ADGRB3: variants seen among roughly 807,000 people sequenced by gnomAD.
ADGRB3 encodes the protein brain-specific angiogenesis inhibitor 3.
A neutral mutation model predicts 193.4 loss-of-function variants in ADGRB3; 37 were observed. That is an observed-to-expected ratio of 0.19 (90% confidence interval 0.15 to 0.25). The LOEUF (loss-of-function observed/expected upper bound fraction) is 0.25, where lower values mean the gene tolerates loss of function less well. ADGRB3 is among the 10% of genes least tolerant of loss of function. The pLI is 1.00. For missense variants in ADGRB3, 1,637 were observed against 1,852.9 expected, an observed-to-expected ratio of 0.88 and a Z score of 2.14; for synonymous variants, 690 against 644.2, an observed-to-expected ratio of 1.07 and a Z score of -1.08.
intron 17 of ADGRB3, among the ~76,000 whole-genome samples, chr6:69,128,762 G>A (rs9294822): frequency 0.64 from 97,203 of 152,056 alleles, 32,294 homozygotes; most frequent in East Asian, 0.95. Context: ...AAGGAACTTG[G>A]TTATTCCAGT....
chr6:69,148,876 A>T (rs1009573562), intron 17 of ADGRB3, among the ~76,000 whole-genome samples: 1 of 152,124 alleles, frequency 6.6e-6, no homozygotes, highest in African/African-American at 2.4e-5. Flanking sequence ...CTTGGAATGT[A>T]AGGTTTCATT....
chr6:69,237,754 AG>A (rs1256008961), intron 19 of ADGRB3, among the ~76,000 whole-genome samples: 1 of 152,050 alleles, frequency 6.6e-6, no homozygotes, highest in Non-Finnish European at 1.5e-5. Context: ...CATCAAACAA[AG>A]GGTTAATTTT....
intron 3 of ADGRB3, among the ~76,000 whole-genome samples, chr6:68,767,171 A>T (rs1376973920): frequency 6.6e-6 from 1 of 152,188 alleles, no homozygotes; most frequent in Non-Finnish European, 1.5e-5. Flanking sequence ...TATTATTGAT[A>T]TAGAAATAGA....
intron 30 of ADGRB3, among the ~76,000 whole-genome samples, chr6:69,379,374 TA>T (rs951242427): frequency 6.6e-6 from 1 of 151,782 alleles, no homozygotes; most frequent in African/African-American, 2.4e-5. Context: ...TCACTAAACA[TA>T]AAAAACAGCT....
intron 20 of ADGRB3, 75 bp downstream of exon 20, chr6:69,239,301 C>A: frequency 9.8e-7 from 1 of 1,018,626 alleles, no homozygotes; most frequent in Non-Finnish European, 1.4e-6. Context: ...ATAATCTAAA[C>A]ATTCATTCTA....
At chr6:68,867,269 G>A (rs1436593287) in intron 3 of ADGRB3, among the ~76,000 whole-genome samples, 1 of 152,206 alleles carries the variant, frequency 6.6e-6, no homozygotes, top group Non-Finnish European at 1.5e-5. Flanking sequence ...CTTCAGCCAT[G>A]GCTAAAAGGG....
At chr6:69,027,437 A>C (rs2150291273) in intron 13 of ADGRB3, among the ~76,000 whole-genome samples, 1 of 152,226 alleles carries the variant, frequency 6.6e-6, no homozygotes, top group Non-Finnish European at 1.5e-5. Flanking sequence ...TTTACAGTTA[A>C]CTTTTTTCTT....
At chr6:69,373,846 A>T (rs561382759) in intron 30 of ADGRB3, among the ~76,000 whole-genome samples, 33 of 152,228 alleles carry the variant, frequency 2.2e-4, no homozygotes, top group African/African-American at 7.9e-4. Context: ...TAGAACTAAA[A>T]TTAAGCCTCA....
intron 20 of ADGRB3, among the ~76,000 whole-genome samples, chr6:69,286,765 G>C (rs1365900323): frequency 6.6e-6 from 1 of 152,218 alleles, no homozygotes; most frequent in Non-Finnish European, 1.5e-5. Flanking sequence ...TAGGAAACAG[G>C]CTATTGTAAG....
At chr6:68,655,088 G>T (rs1020085767) in intron 3 of ADGRB3, among the ~76,000 whole-genome samples, 2 of 150,048 alleles carry the variant, frequency 1.3e-5, no homozygotes, top group African/African-American at 4.9e-5. Flanking sequence ...TTGTTTCTTG[G>T]CAGTTTGTTA....
At chr6:69,090,867 C>A (rs1253149000) in intron 17 of ADGRB3, among the ~76,000 whole-genome samples, 3 of 152,176 alleles carry the variant, frequency 2.0e-5, no homozygotes, top group African/African-American at 7.2e-5. Flanking sequence ...ATAAGCTTTA[C>A]AGTGCTATAA....
At chr6:68,755,488 G>T (rs1284726181) in intron 3 of ADGRB3, among the ~76,000 whole-genome samples, 1 of 152,122 alleles carries the variant, frequency 6.6e-6, no homozygotes, top group Non-Finnish European at 1.5e-5. Flanking sequence ...GGTTCTTCTG[G>T]ATTTGTCTTG....
intron 17 of ADGRB3, among the ~76,000 whole-genome samples, chr6:69,156,575 A>G (rs1335251738): frequency 6.6e-6 from 1 of 152,188 alleles, no homozygotes; most frequent in African/African-American, 2.4e-5. Context: ...AGTAAGGAGT[A>G]GGGATATGTT....
intron 24 of ADGRB3, among the ~76,000 whole-genome samples, chr6:69,333,437 T>C (rs1430074690): frequency 6.6e-6 from 1 of 152,120 alleles, no homozygotes; most frequent in African/African-American, 2.4e-5. Context: ...TTTCTTTGAC[T>C]AATTGTATAT....
chr6:69,141,132 G>GA (rs374226168), intron 17 of ADGRB3, among the ~76,000 whole-genome samples: 2 of 123,674 alleles, frequency 1.6e-5, no homozygotes, highest in East Asian at 2.6e-4. Flanking sequence ...TTTTTTTGGG[G>GA]GGGGCGGTGG....
intron 17 of ADGRB3, among the ~76,000 whole-genome samples, chr6:69,205,564 T>G (rs186986220): frequency 9.3e-4 from 141 of 152,278 alleles, no homozygotes; most frequent in Non-Finnish European, 1.0e-3. Flanking sequence ...CTCATGGTTC[T>G]GGAGGCTGGG....
intron 17 of ADGRB3, among the ~76,000 whole-genome samples, chr6:69,208,625 C>T (rs908657575): frequency 3.3e-5 from 5 of 152,216 alleles, no homozygotes; most frequent in Admixed American, 1.3e-4. Context: ...ATCTGTGAAG[C>T]AAGCCCTAGT....
intron 20 of ADGRB3, among the ~76,000 whole-genome samples, chr6:69,291,454 G>A (rs959297322): frequency 6.6e-6 from 1 of 152,066 alleles, no homozygotes; most frequent in Non-Finnish European, 1.5e-5. Flanking sequence ...GCAGAACTAG[G>A]ATTCAAAGGT....
intron 3 of ADGRB3, among the ~76,000 whole-genome samples, chr6:68,881,445 A>G (rs1344362389): frequency 6.6e-6 from 1 of 152,182 alleles, no homozygotes; most frequent in Non-Finnish European, 1.5e-5. Flanking sequence ...ACTATATTCA[A>G]TTCAGTATAT....
Sources: gnomAD v4.1 joint callset for allele counts (sites outside exome capture counted in the v4.1 genomes callset) on GRCh38, gnomAD v4.1.1 for gene constraint, MANE v1.5 for transcripts, NCBI Gene and HGNC (gene_info 2026-07-23, HGNC 2026-07-21) for gene names.